Variants in AUTS2 observed in about 807,000 individuals in gnomAD.
AUTS2 encodes the protein activator of transcription and developmental regulator AUTS2, also known as autism susceptibility gene 2 protein.
In AUTS2, 17 loss-of-function variants were observed where a neutral mutation model predicts 112.4. The observed-to-expected ratio is 0.15, with a 90% confidence interval of 0.10 to 0.23. The LOEUF is 0.23. Ranked by LOEUF, AUTS2 falls within the 10% of genes least tolerant of loss-of-function variation. The pLI is 1.00. For missense variants in AUTS2, 1,510 were observed against 1,701.6 expected (o/e 0.89, Z 1.98); for synonymous variants, 751 against 702.7 (o/e 1.07, Z -1.09).
intron 2 of AUTS2, among the ~76,000 whole-genome samples, chr7:70,110,901 C>A (rs1414312013): frequency 8.0e-6 from 1 of 124,932 alleles, no homozygotes; most frequent in Non-Finnish European, 1.6e-5. Flanking sequence ...CTCGCTCTGT[C>A]GCCCCAGTCG....
rs374537321 is a variant in AUTS2 at position 70,518,406 on chromosome 7, G to A, written c.690+82625G>A. 5.5e-4 allele frequency among the ~76,000 whole-genome samples: 84 copies of A among 152,160 alleles called. 3 individuals carry two copies. In the South Asian group the frequency reaches 0.017, roughly 31 times the overall value. ...TAGAAAAACGTGTCTTTTTGGGCTG[G>A]GTGCGGTGGCTCATGCCTGTAATCC... On this transcript the variant is annotated intron_variant, in intron 5 of 18. Coordinates refer to ENST00000342771, the MANE Select transcript of AUTS2 (RefSeq NM_015570.4).
In AUTS2 at chr7:70,701,747, GTTTAAC is replaced by G. The variant is rs374494558; in HGVS notation, c.742+3133_742+3138del. Among the ~76,000 whole-genome samples, 63 of 152,290 alleles carry G rather than the reference GTTTAAC, an allele frequency of 4.1e-4. 1 individual carries two copies. The highest frequency in any genetic ancestry group is 9.6e-4 in the African/African-American group (40 of 41,560). Reference sequence around the variant, plus strand: ...TTAGCGTTGTAGACACAAAAAAACAGTTTAACTTTAATCAAGGTCATAGTTGCCATA... The same window carrying G: ...TTAGCGTTGTAGACACAAAAAAACAGTTTAATCAAGGTCATAGTTGCCATA... On this transcript the variant is annotated intron_variant, in intron 6 of 18. Coordinates refer to ENST00000342771, the MANE Select transcript of AUTS2 (RefSeq NM_015570.4).
At chr7:70,721,524 T>G (rs1012565665) in intron 6 of AUTS2, among the ~76,000 whole-genome samples, 4 of 152,164 alleles carry the variant, frequency 2.6e-5, no homozygotes, top group African/African-American at 9.7e-5. Context: ...GGTCTCAAAC[T>G]CCTGACCTCA....
intron 5 of AUTS2, among the ~76,000 whole-genome samples, chr7:70,661,789 G>A (rs770858746): frequency 2.6e-5 from 4 of 152,140 alleles, no homozygotes; most frequent in Non-Finnish European, 5.9e-5. Context: ...TGTTGCACGA[G>A]CAGGGCCTCT....
chr7:70,582,766 A>C (rs2129527376), intron 5 of AUTS2, among the ~76,000 whole-genome samples: 1 of 152,282 alleles, frequency 6.6e-6, no homozygotes, highest in Admixed American at 6.5e-5. Flanking sequence ...TTCTACAGAG[A>C]GCCCTTTTCT....
At chr7:70,022,446 A>G (rs544221146) in intron 2 of AUTS2, among the ~76,000 whole-genome samples, 2 of 151,900 alleles carry the variant, frequency 1.3e-5, no homozygotes, top group East Asian at 3.9e-4. Flanking sequence ...TTAGCCCCCA[A>G]GTAGCTGGGA....
At chr7:70,770,138 T>C (rs1790243297) in intron 10 of AUTS2, among the ~76,000 whole-genome samples, 1 of 152,186 alleles carries the variant, frequency 6.6e-6, no homozygotes, top group South Asian at 2.1e-4. Flanking sequence ...TCCCCTGCTT[T>C]GGGGATTAGG....
intron 5 of AUTS2, among the ~76,000 whole-genome samples, chr7:70,486,828 G>T (rs1366190183): frequency 6.6e-6 from 1 of 151,816 alleles, no homozygotes; most frequent in African/African-American, 2.4e-5. Flanking sequence ...TGTGGTGGTG[G>T]TGCTGGTGGT....
At chr7:70,667,964 T>G (rs537360197) in intron 5 of AUTS2, among the ~76,000 whole-genome samples, 1 of 152,296 alleles carries the variant, frequency 6.6e-6, no homozygotes, top group South Asian at 2.1e-4. Flanking sequence ...AAATGCACAT[T>G]CTGCCTGAGC....
At chr7:70,457,339 G>A (rs935185132) in intron 5 of AUTS2, among the ~76,000 whole-genome samples, 2 of 152,118 alleles carry the variant, frequency 1.3e-5, no homozygotes, top group East Asian at 1.9e-4. Context: ...AGTAGCCATC[G>A]CCTTATTAAA....
intron 3 of AUTS2, chr7:70,120,034 T>C (rs1805602080): frequency 6.6e-6 from 1 of 151,936 alleles, no homozygotes; most frequent in Non-Finnish European, 1.5e-5. Flanking sequence ...ATTTAAGGAG[T>C]GTATACTCAA....
intron 4 of AUTS2, among the ~76,000 whole-genome samples, chr7:70,234,164 A>G (rs1812198081): frequency 6.6e-6 from 1 of 152,140 alleles, no homozygotes; most frequent in Admixed American, 6.5e-5. Flanking sequence ...TGCTTTTCTG[A>G]TACTTTGATC....
At chr7:70,686,295 C>A (rs1421492716) in intron 5 of AUTS2, among the ~76,000 whole-genome samples, 1 of 152,144 alleles carries the variant, frequency 6.6e-6, no homozygotes, top group Non-Finnish European at 1.5e-5. Flanking sequence ...ATTCATTTAA[C>A]CCTAACAACA....
intron 1 of AUTS2, among the ~76,000 whole-genome samples, chr7:69,626,470 CT>C (rs1212172885): frequency 2.0e-5 from 3 of 152,156 alleles, no homozygotes; most frequent in South Asian, 4.2e-4. Flanking sequence ...GTGCTGAGGG[CT>C]TGGGATGCTC....
At chr7:70,771,696 G>C (rs372582568) in intron 11 of AUTS2, 52 bp downstream of exon 11, 3 of 1,533,228 alleles carry the variant, frequency 2.0e-6, no homozygotes, top group Non-Finnish European at 2.7e-6. Flanking sequence ...GTGGCGTCCC[G>C]GGCCAGGCGT....
At chr7:69,956,254 G>T (rs912383744) in intron 2 of AUTS2, among the ~76,000 whole-genome samples, 1 of 151,910 alleles carries the variant, frequency 6.6e-6, no homozygotes, top group Admixed American at 6.6e-5. Flanking sequence ...AACATTTTTT[G>T]TCCCAGCTCA....
chr7:70,223,011 C>A (rs1299361832), intron 4 of AUTS2, among the ~76,000 whole-genome samples: 1 of 151,818 alleles, frequency 6.6e-6, no homozygotes, highest in African/African-American at 2.4e-5. Context: ...CCTCAGTCTC[C>A]TGAGTAGCTG....
intron 1 of AUTS2, among the ~76,000 whole-genome samples, chr7:69,877,993 A>G (rs1793879106): frequency 6.6e-6 from 1 of 152,176 alleles, no homozygotes. Context: ...AGGAGGAGCC[A>G]CAAGGTAGAA....
chr7:69,841,843 G>A (rs952801655), intron 1 of AUTS2, among the ~76,000 whole-genome samples: 4 of 152,152 alleles, frequency 2.6e-5, no homozygotes, highest in African/African-American at 7.2e-5. Context: ...TAATGTCTTA[G>A]GTGTGATAGT....
Sources: allele counts gnomAD v4.1 joint callset (sites outside exome capture counted in the v4.1 genomes callset), GRCh38; gene constraint gnomAD v4.1.1; transcripts MANE v1.5; gene names NCBI Gene and HGNC (gene_info 2026-07-23, HGNC 2026-07-21).